The following USH2A variants were observed in gnomAD, a reference collection of about 807,000 sequenced individuals.
USH2A encodes the protein usherin, also known as Usher syndrome 2A (autosomal recessive, mild).
Under a neutral mutation model 538.9 loss-of-function variants are expected in USH2A, and 443 were observed. The ratio of observed to expected loss-of-function variants is 0.82; its 90% confidence interval spans 0.76 to 0.89. The LOEUF (loss-of-function observed/expected upper bound fraction) is 0.89. USH2A is among the 40% of genes least tolerant of loss of function. The pLI, the probability that USH2A is intolerant of heterozygous loss-of-function variation, is 0.00. For synonymous variants in USH2A, 2,413 were observed against 2,273.5 expected (o/e 1.06, Z -1.75); for missense variants, 6,633 against 6,324.8 (o/e 1.05, Z -1.65).
intron 27 of USH2A, among the ~76,000 whole-genome samples, chr1:216,075,557 T>C (rs998227327): frequency 6.6e-6 from 1 of 152,102 alleles, no homozygotes; most frequent in Non-Finnish European, 1.5e-5. Flanking sequence ...TAGCCCTTCC[T>C]CTAGGGAAGG....
intron 64 of USH2A, among the ~76,000 whole-genome samples, chr1:215,668,107 G>A (rs1657690980): frequency 6.6e-6 from 1 of 152,216 alleles, no homozygotes. Flanking sequence ...CTCCTCTGCA[G>A]AAGGGTGAAA....
At chr1:216,338,657 T>C (rs757611378) in intron 4 of USH2A, among the ~76,000 whole-genome samples, 54 of 151,542 alleles carry the variant, frequency 3.6e-4, no homozygotes, top group Admixed American at 8.6e-4. Context: ...TCAATATAAT[T>C]AAAACATGTA....
chr1:215,729,083 G>A (rs1231798931), intron 60 of USH2A, among the ~76,000 whole-genome samples: 2 of 151,944 alleles, frequency 1.3e-5, no homozygotes, highest in Non-Finnish European at 2.9e-5. Flanking sequence ...GACTTTTTTG[G>A]CTCATGGGAC....
At chr1:215,874,114 G>A (rs138375526) in intron 43 of USH2A, among the ~76,000 whole-genome samples, 24 of 152,220 alleles carry the variant, frequency 1.6e-4, no homozygotes, top group Middle Eastern at 3.4e-3. Context: ...GAAGGAGGTC[G>A]CCGCCCTCTT....
Position 216,083,598 on chromosome 1 carries a change from A to G in USH2A, c.5168-12T>C. On this transcript the variant is annotated splice_polypyrimidine_tract_variant and intron_variant, in intron 25 of 71. Transcript: ENST00000307340. ...AAGTTCCAGGAACCCTTTAAAGATA[A>G]AAATATGTACATATTAGCATGTGTA... 1 of 1,611,270 alleles carries G rather than the reference A, an allele frequency of 6.2e-7. No individual in the cohort carries two copies. The highest frequency in any genetic ancestry group is 8.5e-7 in the Non-Finnish European group (1 of 1,178,360).
chr1:215,627,961 A>C (rs891644853), intron 71 of USH2A, among the ~76,000 whole-genome samples: 4 of 152,196 alleles, frequency 2.6e-5, no homozygotes, highest in Non-Finnish European at 5.9e-5. Flanking sequence ...AGAGACTGAT[A>C]ATAAATGTTA....
At chr1:216,155,221 C>A (rs2033913753) in intron 21 of USH2A, among the ~76,000 whole-genome samples, 1 of 152,040 alleles carries the variant, frequency 6.6e-6, no homozygotes, top group Admixed American at 6.6e-5. Context: ...TAACCTCCTC[C>A]CTTCTCAGAG....
At chr1:215,728,984 G>A (rs886133526) in intron 60 of USH2A, among the ~76,000 whole-genome samples, 8 of 152,092 alleles carry the variant, frequency 5.3e-5, no homozygotes, top group African/African-American at 1.9e-4. Flanking sequence ...ATGATAAATG[G>A]ATTGCAGCTA....
chr1:216,077,926 G>C (rs1161041190), intron 27 of USH2A, among the ~76,000 whole-genome samples, 163 bp downstream of exon 27: 1 of 151,980 alleles, frequency 6.6e-6, no homozygotes, highest in Non-Finnish European at 1.5e-5. Flanking sequence ...CTTTGAAAAA[G>C]TGTTTTCATT....
chr1:216,147,828 T>G (rs368362084), intron 21 of USH2A, among the ~76,000 whole-genome samples: 1 of 140,784 alleles, frequency 7.1e-6, no homozygotes, highest in African/African-American at 2.7e-5. Context: ...CTACACGTGC[T>G]GGAAATCTGG....
rs1281657437 is a variant in USH2A, at chr1:215,627,865, G to A, written c.15519+949C>T. Among the ~76,000 whole-genome samples the A allele has an allele frequency of 2.6e-5, 4 of 152,258 alleles. No homozygotes were observed. The East Asian group carries it at 7.7e-4, about 29-fold the overall frequency. Reference sequence around the variant, plus strand: ...TTCTAACAGGCCCAGTGGAATGGTAGGTACTGCAGCGGGCATCTAGGAAGT... The same window carrying A: ...TTCTAACAGGCCCAGTGGAATGGTAAGTACTGCAGCGGGCATCTAGGAAGT... On this transcript the variant is annotated intron_variant, in intron 71 of 71. Coordinates refer to ENST00000307340, the MANE Select transcript of USH2A (RefSeq NM_206933.4).
intron 35 of USH2A, among the ~76,000 whole-genome samples, chr1:215,977,501 T>A (rs933890857): frequency 7.9e-6 from 1 of 126,924 alleles, no homozygotes. Context: ...AATAATTTTT[T>A]AAATTAATTA....
At chr1:216,087,132 C>T (rs2032160619) in intron 23 of USH2A, among the ~76,000 whole-genome samples, 1 of 152,180 alleles carries the variant, frequency 6.6e-6, no homozygotes, top group Non-Finnish European at 1.5e-5. Flanking sequence ...GCCAGGGGAA[C>T]CTGGGTCTCT....
chr1:216,196,429 G>GA (rs2034845500), intron 19 of USH2A, 124 bp downstream of exon 19: 3 of 1,037,760 alleles, frequency 2.9e-6, no homozygotes, highest in African/African-American at 1.6e-5. Flanking sequence ...ATTATATTAA[G>GA]AAAAAATGCC....
At chr1:215,651,377 TG>T (rs995091323) in intron 64 of USH2A, among the ~76,000 whole-genome samples, 2 of 152,150 alleles carry the variant, frequency 1.3e-5, no homozygotes, top group Non-Finnish European at 2.9e-5. Flanking sequence ...ACAGAGTAGA[TG>T]GATGTGTGAG....
At position 216,421,928 on chromosome 1, in the gene USH2A, A is replaced by T; in HGVS notation, c.409T>A (p.Ser137Thr). 6.2e-7 allele frequency: 1 copy of T among 1,613,982 alleles called. No individual in the cohort carries two copies. Among genetic ancestry groups the T allele is most frequent in the Non-Finnish European group, 8.5e-7 (1 of 1,179,912 alleles). ...FIFGNHKSCF[S>T]SPPSPKLMAS... is the part of the protein sequence containing the mutation. ...ATCAGCTTTGGAGAAGGAGGAGAAGAAAAGCAGCTCTTGTGATTTCCAAAA... is the reference window on the plus strand; with the variant it reads ...ATCAGCTTTGGAGAAGGAGGAGAAGTAAAGCAGCTCTTGTGATTTCCAAAA... The change falls in exon 2 of 72, where the codon TCT becomes ACT. Residue 137 changes from serine to threonine, a missense_variant. Transcript: ENST00000307340.
At chr1:216,078,484 GA>G (rs1461596031) in intron 26 of USH2A, 122 bp from the exon 27 acceptor site, 2 of 868,818 alleles carry the variant, frequency 2.3e-6, no homozygotes, top group African/African-American at 3.4e-5. Flanking sequence ...GCACTCTATA[GA>G]AATGTGTCAC....
At chr1:216,122,038 AAC>A (rs1241014643) in intron 21 of USH2A, among the ~76,000 whole-genome samples, 1 of 152,186 alleles carries the variant, frequency 6.6e-6, no homozygotes, top group East Asian at 1.9e-4. Context: ...AAGGACCGCA[AAC>A]ACAAAAATCA....
At chr1:215,712,326 G>A (rs1420094686) in intron 61 of USH2A, among the ~76,000 whole-genome samples, 3 of 152,344 alleles carry the variant, frequency 2.0e-5, no homozygotes, top group African/African-American at 7.2e-5. Flanking sequence ...GACAATCTCA[G>A]AAGAGTGATT....
Sources: allele counts gnomAD v4.1 joint callset (sites outside exome capture counted in the v4.1 genomes callset), GRCh38; gene constraint gnomAD v4.1.1; transcripts MANE v1.5; gene names NCBI Gene and HGNC (gene_info 2026-07-23, HGNC 2026-07-21).